Variants in ATP6V0D2 observed in about 807,000 individuals in gnomAD.
The protein encoded by ATP6V0D2 is ATPase H+ transporting V0 subunit d2.
Under a neutral mutation model 40.0 loss-of-function variants are expected in ATP6V0D2, and 40 were observed. The ratio of observed to expected loss-of-function variants is 1.00; its 90% confidence interval spans 0.78 to 1.30. The LOEUF (loss-of-function observed/expected upper bound fraction) is 1.30. ATP6V0D2 is among the 50% of genes most tolerant of loss of function. ATP6V0D2 has a pLI of 0.00. For synonymous variants in ATP6V0D2, 179 were observed against 156.3 expected, an observed-to-expected ratio of 1.15 and a Z score of -1.08; for missense variants, 470 against 423.1, an observed-to-expected ratio of 1.11 and a Z score of -0.97.
intron 5 of ATP6V0D2, among the ~76,000 whole-genome samples, chr8:86,144,289 A>G (rs751391611): frequency 6.6e-6 from 1 of 152,166 alleles, no homozygotes; most frequent in Non-Finnish European, 1.5e-5. Flanking sequence ...GCTAGTAAAT[A>G]ATTTCCTAAT....
At chr8:86,134,164 G>C (rs945679394) in intron 2 of ATP6V0D2, among the ~76,000 whole-genome samples, 2 of 152,002 alleles carry the variant, frequency 1.3e-5, no homozygotes, top group African/African-American at 4.8e-5. Flanking sequence ...AAGCGGTGTA[G>C]TATTTTTCAA....
At chr8:86,114,472 C>A (rs551679484) in intron 2 of ATP6V0D2, among the ~76,000 whole-genome samples, 8 of 152,100 alleles carry the variant, frequency 5.3e-5, no homozygotes, top group Non-Finnish European at 1.2e-4. Context: ...GAATTCGAGA[C>A]CAGCCTGACC....
chr8:86,103,598 G>T (rs1254916363), intron 1 of ATP6V0D2, among the ~76,000 whole-genome samples: 1 of 152,024 alleles, frequency 6.6e-6, no homozygotes, highest in Non-Finnish European at 1.5e-5. Flanking sequence ...GTACTTTCTA[G>T]CTAGCGCCAA....
chr8:86,142,609 A>G (rs1255037548), intron 4 of ATP6V0D2, among the ~76,000 whole-genome samples: 1 of 152,238 alleles, frequency 6.6e-6, no homozygotes, highest in Non-Finnish European at 1.5e-5. Flanking sequence ...ACCATATGAA[A>G]TAATCCAAAA....
intron 3 of ATP6V0D2, 22 bp from the exon 4 acceptor site, chr8:86,141,428 G>A (rs756007480): frequency 2.5e-6 from 4 of 1,590,596 alleles, no homozygotes; most frequent in Non-Finnish European, 1.7e-6. Flanking sequence ...TCATTTTTTG[G>A]TATGGCAATT....
rs564985174 is a variant in ATP6V0D2, at chr8:86,127,635, G to A, written c.303-11822G>A. On this transcript the variant is annotated intron_variant, in intron 2 of 7. Coordinates refer to ENST00000285393, the MANE Select transcript of ATP6V0D2 (RefSeq NM_152565.1). ...GAGGCACCTTTGCCATGTTGCCCAG[G>A]CTGGTCTCAAACTCCTGAGCTCAAG... 2.0e-5 allele frequency among the ~76,000 whole-genome samples: 3 copies of A among 152,118 alleles called. No individual in the cohort carries two copies. In the East Asian group the frequency reaches 5.8e-4, roughly 29 times the overall value.
chr8:86,139,668 G>A (rs777255582), intron 3 of ATP6V0D2, 33 bp downstream of exon 3: 4 of 1,523,898 alleles, frequency 2.6e-6, no homozygotes, highest in Non-Finnish European at 3.5e-6. Flanking sequence ...GTAGCTGCTT[G>A]TGTATGTTAT....
intron 4 of ATP6V0D2, 98 bp downstream of exon 4, chr8:86,141,627 G>GTGCATTAACTTTACTCATTAAC: frequency 1.2e-6 from 1 of 811,322 alleles, no homozygotes. Context: ...ACCAACTTCT[G>GTGCATTAACTTTACTCATTAAC]CAATTATGAA....
At chr8:86,136,765 C>T (rs1818903267) in intron 2 of ATP6V0D2, among the ~76,000 whole-genome samples, 1 of 152,136 alleles carries the variant, frequency 6.6e-6, no homozygotes, top group Admixed American at 6.5e-5. Flanking sequence ...AGTCTGTACC[C>T]CATGCAGCCA....
chr8:86,136,009 C>A (rs1818891043), intron 2 of ATP6V0D2, among the ~76,000 whole-genome samples: 1 of 152,074 alleles, frequency 6.6e-6, no homozygotes. Flanking sequence ...ATACCTGGTA[C>A]CTATGTGTGA....
At chr8:86,151,069 C>A (rs1210650007) in intron 6 of ATP6V0D2, among the ~76,000 whole-genome samples, 3 of 152,170 alleles carry the variant, frequency 2.0e-5, no homozygotes, top group African/African-American at 7.2e-5. Context: ...AAATTCCACC[C>A]CTTCCACACT....
At chr8:86,100,733 G>A (rs558388744) in intron 1 of ATP6V0D2, among the ~76,000 whole-genome samples, 4 of 152,146 alleles carry the variant, frequency 2.6e-5, no homozygotes, top group Admixed American at 2.6e-4. Context: ...AGAACACAGG[G>A]CTGACTAAGT....
chr8:86,149,013 C>T (rs1187903200), intron 5 of ATP6V0D2, among the ~76,000 whole-genome samples: 16 of 130,268 alleles, frequency 1.2e-4, no homozygotes, highest in African/African-American at 3.1e-4. Flanking sequence ...CACCACTGCA[C>T]TCCAGCCTGG....
chr8:86,119,715 C>T (rs934300932), intron 2 of ATP6V0D2, among the ~76,000 whole-genome samples: 1 of 152,070 alleles, frequency 6.6e-6, no homozygotes, highest in Admixed American at 6.6e-5. Context: ...TACAGATAAT[C>T]ACAAAGCCCA....
Position 86,139,558 on chromosome 8 carries a change from T to C in ATP6V0D2, c.404T>C (p.Phe135Ser). 10 of 1,613,862 alleles carry C rather than the reference T, an allele frequency of 6.2e-6. No homozygotes were observed. Among genetic ancestry groups the C allele is most frequent in the Non-Finnish European group, 8.5e-6 (10 of 1,179,862 alleles). Residue 135 changes from phenylalanine (F) to serine (S), a missense_variant, in exon 3 of 8, where the codon TTC (phenylalanine) becomes TCC (serine). Coordinates refer to ENST00000285393, the MANE Select transcript of ATP6V0D2 (RefSeq NM_152565.1). Reference sequence around the variant, plus strand: ...GGGAAGTGCCACCCCTTGGGCCGTTTCACAGAAATGGAAGCTGTCAACATT... The same window carrying C: ...GGGAAGTGCCACCCCTTGGGCCGTTCCACAGAAATGGAAGCTGTCAACATT... ...ILGKCHPLGR[F>S]TEMEAVNIAE...
intron 1 of ATP6V0D2, among the ~76,000 whole-genome samples, chr8:86,100,032 C>T (rs1378378242): frequency 7.5e-6 from 1 of 133,908 alleles, no homozygotes; most frequent in Non-Finnish European, 1.5e-5. Flanking sequence ...CTACCTTTAA[C>T]TGAAGTTAAA....
intron 2 of ATP6V0D2, among the ~76,000 whole-genome samples, chr8:86,119,066 G>A (rs1818632879): frequency 6.6e-6 from 1 of 152,088 alleles, no homozygotes; most frequent in Non-Finnish European, 1.5e-5. Flanking sequence ...GAATCAGAAA[G>A]CTGCCAGGGT....
At chr8:86,145,577 G>A (rs2130281286) in intron 5 of ATP6V0D2, among the ~76,000 whole-genome samples, 1 of 152,200 alleles carries the variant, frequency 6.6e-6, no homozygotes, top group South Asian at 2.1e-4. Flanking sequence ...ACATTTTGAG[G>A]CATAGTAAAT....
chr8:86,114,646 G>A (rs1041626922), intron 2 of ATP6V0D2, among the ~76,000 whole-genome samples: 1 of 151,712 alleles, frequency 6.6e-6, no homozygotes, highest in East Asian at 1.9e-4. Context: ...CTCCAGCGAG[G>A]GCGACAGAAT....
Sources: allele counts gnomAD v4.1 joint callset (sites outside exome capture counted in the v4.1 genomes callset), GRCh38; gene constraint gnomAD v4.1.1; transcripts MANE v1.5; gene names NCBI Gene and HGNC (gene_info 2026-07-23, HGNC 2026-07-21).